Variants in WWC2 observed in about 807,000 individuals in gnomAD.
WWC2 encodes WW and C2 domain containing 2.
Under a neutral mutation model 138.5 loss-of-function variants are expected in WWC2, and 101 were observed. That is an observed-to-expected ratio of 0.73 (90% CI 0.62 to 0.86). The LOEUF (loss-of-function observed/expected upper bound fraction) is 0.86, where lower values mean the gene tolerates loss of function less well. Among genes scored for constraint, WWC2 ranks in the 40% least tolerant of loss-of-function variants. The probability of loss-of-function intolerance (pLI) is 0.00; values close to 1 mark genes in which losing one functional copy is unlikely to be tolerated. For synonymous variants in WWC2, 558 were observed against 538.4 expected, an observed-to-expected ratio of 1.04 and a Z score of -0.50; for missense variants, 1,420 against 1,419.4, an observed-to-expected ratio of 1.00 and a Z score of -0.01.
At position 183,319,581 on chromosome 4, in the gene WWC2, G is replaced by A. The variant is rs201506772; in HGVS notation, c.*3852G>A. On this transcript the variant is annotated 3_prime_UTR_variant, in exon 23 of 23. Transcript: ENST00000403733. ...TTAGTGTTTCAGGTTGGTGTTTCTC[G>A]TCTCCAGTTCTTGATGATGATCTTG... 82 of 1,612,786 alleles carry A rather than the reference G, an allele frequency of 5.1e-5. No homozygotes were observed. Among genetic ancestry groups the A allele is most frequent in the Middle Eastern group, 1.7e-4 (1 of 6,052 alleles).
intron 2 of WWC2, among the ~76,000 whole-genome samples, chr4:183,197,464 G>C (rs886307472): frequency 2.0e-5 from 3 of 152,214 alleles, no homozygotes; most frequent in Non-Finnish European, 4.4e-5. Flanking sequence ...AATAAGGAAT[G>C]TTTGGCTGTT....
At chr4:183,224,088 AC>A (rs1280119945) in intron 4 of WWC2, among the ~76,000 whole-genome samples, 1 of 152,126 alleles carries the variant, frequency 6.6e-6, no homozygotes, top group Non-Finnish European at 1.5e-5. Context: ...ACAAAACAAA[AC>A]TAGGTCATTT....
rs1579085965 is a variant in WWC2, at chr4:183,319,484, A to G, written c.*3755A>G. The G allele has an allele frequency of 2.1e-6, 3 of 1,410,406 alleles. No individual in the cohort carries two copies. Among genetic ancestry groups the G allele is most frequent in the Non-Finnish European group, 1.9e-6 (2 of 1,036,644 alleles). 87.4% of individuals were successfully genotyped at this position (1,410,406 alleles called of 1,614,324 possible). On this transcript the variant is annotated 3_prime_UTR_variant, in exon 23 of 23. Transcript: ENST00000403733. ...AAATCAAAAGCACAGTGAGATGACT[A>G]GAGCGGGACATCCTACCAAATCCAG...
At chr4:183,252,237 G>A (rs1737000724) in intron 8 of WWC2, among the ~76,000 whole-genome samples, 1 of 151,970 alleles carries the variant, frequency 6.6e-6, no homozygotes, top group Non-Finnish European at 1.5e-5. Context: ...TCTGTTTTTC[G>A]TATTTTGGTG....
intron 1 of WWC2, among the ~76,000 whole-genome samples, chr4:183,099,871 A>G (rs1743110734): frequency 6.6e-6 from 1 of 152,092 alleles, no homozygotes; most frequent in African/African-American, 2.4e-5. Flanking sequence ...CCCCGGGCCG[A>G]CGCCGCGCGC....
Position 183,284,208 on chromosome 4 carries a change from T to C in WWC2, c.2884-18T>C, listed in dbSNP as rs761317586. ...ACACATCTTTCAGCTCCTGACAAAT[T>C]GTTAACTTCTCTTATAGGTTGACAA... On this transcript the variant is annotated intron_variant, in intron 18 of 22. Coordinates refer to ENST00000403733, the MANE Select transcript of WWC2 (RefSeq NM_024949.6). The C allele has an allele frequency of 2.5e-6, 4 of 1,608,230 alleles. No individual in the cohort carries two copies. Among genetic ancestry groups the C allele is most frequent in the Non-Finnish European group, 3.4e-6 (4 of 1,175,414 alleles).
At chr4:183,133,136 T>C (rs1732989194) in intron 1 of WWC2, among the ~76,000 whole-genome samples, 1 of 145,930 alleles carries the variant, frequency 6.9e-6, no homozygotes, top group Non-Finnish European at 1.5e-5. Context: ...TTTTCTTTTC[T>C]TTCTTTCTTT....
intron 21 of WWC2, among the ~76,000 whole-genome samples, chr4:183,308,446 G>A (rs1028132062): frequency 2.6e-5 from 4 of 152,106 alleles, no homozygotes; most frequent in African/African-American, 9.7e-5. Flanking sequence ...TTGGAGGACT[G>A]ACGCTACCTG....
intron 11 of WWC2, 134 bp downstream of exon 11, chr4:183,261,666 T>G (rs1227470817): frequency 9.3e-7 from 1 of 1,080,646 alleles, no homozygotes; most frequent in Non-Finnish European, 1.3e-6. Flanking sequence ...TTGGCTTCAT[T>G]TAAGAAGGAG....
intron 1 of WWC2, among the ~76,000 whole-genome samples, chr4:183,148,720 C>G (rs1299263170): frequency 6.6e-6 from 1 of 152,144 alleles, no homozygotes; most frequent in Non-Finnish European, 1.5e-5. Context: ...ATTTGAGCTC[C>G]TTGCAGCAAG....
intron 1 of WWC2, among the ~76,000 whole-genome samples, chr4:183,108,694 T>C (rs2152887048): frequency 6.6e-6 from 1 of 152,106 alleles, no homozygotes; most frequent in African/African-American, 2.4e-5. Flanking sequence ...CACTGCAGCC[T>C]CAGCCTCCCG....
At chr4:183,284,442 C>T in intron 19 of WWC2, 52 bp downstream of exon 19, 1 of 1,590,510 alleles carries the variant, frequency 6.3e-7, no homozygotes, top group Non-Finnish European at 8.5e-7. Flanking sequence ...TTCTTCCCTG[C>T]TGGTAGGGAG....
At chr4:183,142,169 C>A (rs942545520) in intron 1 of WWC2, among the ~76,000 whole-genome samples, 1 of 152,160 alleles carries the variant, frequency 6.6e-6, no homozygotes, top group Non-Finnish European at 1.5e-5. Context: ...AATACAGAGG[C>A]CCCATACCTG....
chr4:183,222,692 G>C (rs928795342), intron 4 of WWC2, among the ~76,000 whole-genome samples: 1 of 152,072 alleles, frequency 6.6e-6, no homozygotes, highest in Non-Finnish European at 1.5e-5. Context: ...GTGGCCAGGC[G>C]TGGTGGCTCA....
At chr4:183,125,471 T>A (rs2111058105) in intron 1 of WWC2, among the ~76,000 whole-genome samples, 1 of 152,330 alleles carries the variant, frequency 6.6e-6, no homozygotes, top group South Asian at 2.1e-4. Flanking sequence ...GAGGATTCCT[T>A]TGCTTCAATT....
intron 4 of WWC2, among the ~76,000 whole-genome samples, chr4:183,233,237 A>G (rs532600260): frequency 1.3e-4 from 19 of 144,672 alleles, no homozygotes; most frequent in African/African-American, 5.0e-4. Context: ...GCTCACTGCA[A>G]ACTCTGCCTC....
chr4:183,099,566 G>A lies in WWC2; in HGVS notation c.75G>A (p.Lys25=). ...GWEEARDYDG[K]VFYIDHNTRR... ...AGGAGGCCAGGGACTACGACGGCAA[G>A]GTCTTCTACATTGACCACAACACCA... is the stretch of plus-strand genomic sequence containing the variant. The change falls in exon 1 of 23, where the codon AAG becomes AAA. Residue 25 remains lysine, a synonymous_variant. Transcript: ENST00000403733. The A allele has an allele frequency of 7.0e-7, 1 of 1,422,152 alleles. No individual in the cohort carries two copies. The highest frequency in any genetic ancestry group is 9.3e-7 in the Non-Finnish European group (1 of 1,071,922). 88.1% of individuals were successfully genotyped at this position (1,422,152 alleles called of 1,614,324 possible).
intron 21 of WWC2, among the ~76,000 whole-genome samples, chr4:183,294,090 C>T (rs992325665): frequency 1.4e-4 from 22 of 151,994 alleles, no homozygotes; most frequent in African/African-American, 4.8e-4. Flanking sequence ...TCCCTGTTGC[C>T]GCTATTCAGC....
chr4:183,151,124 A>C (rs1733625311), intron 1 of WWC2, among the ~76,000 whole-genome samples: 1 of 152,232 alleles, frequency 6.6e-6, no homozygotes. Context: ...ACTGTCTTCC[A>C]CAATGGTTGA....
Sources: allele counts gnomAD v4.1 joint callset (sites outside exome capture counted in the v4.1 genomes callset), GRCh38; gene constraint gnomAD v4.1.1; transcripts MANE v1.5; gene names NCBI Gene and HGNC (gene_info 2026-07-23, HGNC 2026-07-21).